The following NFIC variants were observed in gnomAD, a reference collection of about 807,000 sequenced individuals.
The protein encoded by NFIC is nuclear factor 1 C-type.
In NFIC, 12 loss-of-function variants were observed where a neutral mutation model predicts 54.4. The observed-to-expected ratio is 0.22, with a 90% CI of 0.14 to 0.36. NFIC has a LOEUF of 0.36. Ranked by LOEUF, NFIC falls within the 10% of genes least tolerant of loss-of-function variation. NFIC has a pLI of 1.00. For synonymous variants in NFIC, 322 were observed against 319.2 expected (o/e 1.01, Z -0.09); for missense variants, 575 against 718.2 (o/e 0.80, Z 2.28).
intron 2 of NFIC, among the ~76,000 whole-genome samples, chr19:3,385,205 C>A (rs374973057): frequency 2.0e-5 from 3 of 151,308 alleles, no homozygotes; most frequent in East Asian, 3.9e-4. Context: ...GGGCACACCC[C>A]CCCCCAACCC....
chr19:3,367,519 G>A (rs1428999793), intron 1 of NFIC, among the ~76,000 whole-genome samples: 3 of 151,976 alleles, frequency 2.0e-5, no homozygotes, highest in Non-Finnish European at 4.4e-5. Context: ...ACCCCTGGCC[G>A]CACTCCCAGA....
intron 2 of NFIC, among the ~76,000 whole-genome samples, chr19:3,386,795 G>A (rs761210338): frequency 4.6e-5 from 7 of 152,190 alleles, no homozygotes; most frequent in African/African-American, 1.7e-4. Flanking sequence ...GGGGATGGGC[G>A]GAAGTTGTGG....
chr19:3,406,395 A>T (rs907971154), intron 2 of NFIC, among the ~76,000 whole-genome samples: 6 of 142,140 alleles, frequency 4.2e-5, no homozygotes, highest in Admixed American at 6.9e-5. Context: ...TGCCCTGCCT[A>T]TTTTTTTTTT....
chr19:3,438,859 G>A (rs960061950), intron 6 of NFIC, among the ~76,000 whole-genome samples: 1 of 152,172 alleles, frequency 6.6e-6, no homozygotes, highest in African/African-American at 2.4e-5. Flanking sequence ...TAACAGCCTA[G>A]TGAGGGAGAT....
rs750396549 is a variant in NFIC at position 3,462,785 on chromosome 19, C to G, written c.*16C>G. ...TCTGGGATAGCAAAGGTCTTCTTCCCTCGCCCCTTCTCCATCGTCCCAGGA... is the reference window on the plus strand; with the variant it reads ...TCTGGGATAGCAAAGGTCTTCTTCCGTCGCCCCTTCTCCATCGTCCCAGGA... On this transcript the variant is annotated 3_prime_UTR_variant, in exon 11 of 11. Coordinates refer to ENST00000443272, the MANE Select transcript of NFIC (RefSeq NM_001245002.2). 3.0e-5 allele frequency: 48 copies of G among 1,613,784 alleles called. No homozygotes were observed. The highest frequency in any genetic ancestry group is 3.8e-5 in the Non-Finnish European group (45 of 1,179,986).
upstream of NFIC, chr19:3,366,546 T>TGGGGGGG (rs1568394588): frequency 1.1e-4 from 35 of 317,322 alleles, no homozygotes; most frequent in South Asian, 6.4e-4. Context: ...GGGGGGGGGG[T>TGGGGGGG]TGGGGGGGGC....
At chr19:3,396,956 A>G (rs1413347838) in intron 2 of NFIC, among the ~76,000 whole-genome samples, 1 of 151,212 alleles carries the variant, frequency 6.6e-6, no homozygotes, top group East Asian at 1.9e-4. Flanking sequence ...CTCCATCTCA[A>G]ACAAACAAAC....
In NFIC at chr19:3,468,178, T is replaced by G. The variant is rs1200165845; in HGVS notation, c.*5409T>G. ...CATGTCTGCTGGTGTGGCTTTGGGA[T>G]TCTCCTGCCCCACCCCCCCGTCCAT... On this transcript the variant is annotated 3_prime_UTR_variant, in exon 11 of 11. Coordinates refer to ENST00000443272, the MANE Select transcript of NFIC (RefSeq NM_001245002.2). 1 of 151,922 alleles carries G rather than the reference T, an allele frequency of 6.6e-6. No homozygotes were observed. The highest frequency in any genetic ancestry group is 2.4e-5 in the African/African-American group (1 of 41,290). 9.4% of individuals were successfully genotyped at this position (151,922 alleles called of 1,614,324 possible).
chr19:3,359,980 C>T (rs930792598), intron 1 of NFIC, among the ~76,000 whole-genome samples: 4 of 150,226 alleles, frequency 2.7e-5, no homozygotes, highest in Admixed American at 1.3e-4. Context: ...AGAAGGCCCC[C>T]GCAACCCCAG....
upstream of NFIC, among the ~76,000 whole-genome samples, chr19:3,364,391 A>G (rs1782907659): frequency 6.6e-6 from 1 of 152,174 alleles, no homozygotes; most frequent in Non-Finnish European, 1.5e-5. Flanking sequence ...CGAGGTGCAG[A>G]GAGACGAAGC....
At chr19:3,391,658 A>G (rs1198990250) in intron 2 of NFIC, among the ~76,000 whole-genome samples, 4 of 151,060 alleles carry the variant, frequency 2.6e-5, no homozygotes, top group African/African-American at 9.7e-5. Flanking sequence ...TTAGCCAGGC[A>G]TGGTGGCGCG....
intron 5 of NFIC, among the ~76,000 whole-genome samples, chr19:3,434,650 C>A (rs1457574775): frequency 6.6e-6 from 1 of 152,140 alleles, no homozygotes; most frequent in Non-Finnish European, 1.5e-5. Context: ...TTAGGACCCT[C>A]CCCACCCAGA....
intron 3 of NFIC, 138 bp from the exon 4 acceptor site, chr19:3,433,380 T>C: frequency 1.2e-6 from 1 of 828,070 alleles, no homozygotes; most frequent in Non-Finnish European, 1.9e-6. Context: ...ACTGGAGCTG[T>C]CATTCCCCCA....
intron 3 of NFIC, among the ~76,000 whole-genome samples, chr19:3,429,251 T>TACACACACACACACACAC (rs1223236383): frequency 1.1e-4 from 3 of 27,570 alleles, no homozygotes; most frequent in Admixed American, 4.6e-4. Context: ...AAAAAAAATA[T>TACACACACACACACACAC]ATACACACAC....
chr19:3,414,061 C>G (rs2081809230), intron 2 of NFIC, among the ~76,000 whole-genome samples: 1 of 152,138 alleles, frequency 6.6e-6, no homozygotes, highest in Non-Finnish European at 1.5e-5. Flanking sequence ...CCGGGTGGCT[C>G]TCTGCAATCT....
rs1299817928 is a variant in NFIC, at chr19:3,379,655, A to AT, written c.31-2048dup. On this transcript the variant is annotated intron_variant, in intron 1 of 10. Transcript: ENST00000443272. Reference sequence around the variant, plus strand: ...GCCACTGCGCCCAGCCTCATTTTTCATTTTTTTTTATTTCTTTCTTTTTTT... The same window carrying AT: ...GCCACTGCGCCCAGCCTCATTTTTCATTTTTTTTTTATTTCTTTCTTTTTTT... Among the ~76,000 whole-genome samples, 946 of 110,114 alleles carry AT rather than the reference A, an allele frequency of 8.6e-3. 5 individuals are homozygous for AT. Among genetic ancestry groups the AT allele is most frequent in the Admixed American group, 0.017 (193 of 11,066 alleles). 72.2% of individuals were successfully genotyped at this position (110,114 alleles called of 152,430 possible). A position where few individuals can be genotyped will look rare whatever the true frequency, so the allele number is the denominator to read the frequency against.
intron 1 of NFIC, among the ~76,000 whole-genome samples, chr19:3,377,428 T>C (rs994800594): frequency 2.3e-4 from 35 of 150,436 alleles, no homozygotes; most frequent in Non-Finnish European, 4.7e-4. Context: ...CTTTGAGAGC[T>C]GGGGGGAGGA....
At chr19:3,443,889 C>T (rs56878367) in intron 6 of NFIC, among the ~76,000 whole-genome samples, 29 of 152,318 alleles carry the variant, frequency 1.9e-4, no homozygotes, top group African/African-American at 6.0e-4. Context: ...GTCAACGCCC[C>T]GTGGTCACTG....
At chr19:3,399,669 C>T (rs2145531903) in intron 2 of NFIC, among the ~76,000 whole-genome samples, 1 of 152,204 alleles carries the variant, frequency 6.6e-6, no homozygotes, top group Admixed American at 6.5e-5. Context: ...ATCAAGAGTT[C>T]CAGACCAGCC....
Sources: gnomAD v4.1 joint callset for allele counts (sites outside exome capture counted in the v4.1 genomes callset) on GRCh38, gnomAD v4.1.1 for gene constraint, MANE v1.5 for transcripts, NCBI Gene and HGNC (gene_info 2026-07-23, HGNC 2026-07-21) for gene names.